Variants in LAMP3 observed in about 807,000 individuals in gnomAD.
LAMP3 encodes lysosome associated membrane protein 3.
A neutral mutation model predicts 34.8 loss-of-function variants in LAMP3; 26 were observed. That is an observed-to-expected ratio of 0.75 (90% CI 0.55 to 1.04). The LOEUF (loss-of-function observed/expected upper bound fraction) is 1.04. LAMP3 is among the 50% of genes least tolerant of loss of function. The probability of loss-of-function intolerance (pLI) is 0.00; values close to 1 mark genes in which losing one functional copy is unlikely to be tolerated. For synonymous variants in LAMP3, 180 were observed against 201.9 expected, an observed-to-expected ratio of 0.89 and a Z score of 0.92; for missense variants, 495 against 524.0, an observed-to-expected ratio of 0.94 and a Z score of 0.54.
At chr3:183,137,155 T>A (rs1405931303) in intron 4 of LAMP3, among the ~76,000 whole-genome samples, 3 of 151,450 alleles carry the variant, frequency 2.0e-5, no homozygotes, top group Non-Finnish European at 4.4e-5. Context: ...CTGCCTCTAC[T>A]AAAAATACAA....
At chr3:183,154,470 T>C (rs913201289) in intron 1 of LAMP3, 79 bp from the exon 2 acceptor site, 1 of 1,123,084 alleles carries the variant, frequency 8.9e-7, no homozygotes, top group Admixed American at 2.4e-5. Context: ...CATCTTAATG[T>C]CTGTTCATAA....
chr3:183,131,156 A>G (rs1719907635), intron 5 of LAMP3, among the ~76,000 whole-genome samples: 1 of 152,264 alleles, frequency 6.6e-6, no homozygotes, highest in African/African-American at 2.4e-5. Context: ...AGCAGTGGCC[A>G]TCATCCAAAA....
chr3:183,130,252 G>A (rs113681624), intron 5 of LAMP3, among the ~76,000 whole-genome samples: 74 of 149,356 alleles, frequency 5.0e-4, no homozygotes, highest in African/African-American at 1.5e-3. Flanking sequence ...TCTGCCTCCC[G>A]GGTTGACGCC....
chr3:183,127,029 T>A (rs1719795627), intron 5 of LAMP3, among the ~76,000 whole-genome samples: 1 of 152,238 alleles, frequency 6.6e-6, no homozygotes, highest in African/African-American at 2.4e-5. Flanking sequence ...TGAAATAAAT[T>A]GGACTTGTGT....
intron 3 of LAMP3, among the ~76,000 whole-genome samples, chr3:183,141,136 C>A (rs1720272392): frequency 1.3e-5 from 2 of 152,164 alleles, no homozygotes; most frequent in Non-Finnish European, 2.9e-5. Flanking sequence ...TGTACATGTT[C>A]TTATGTAGGG....
intron 2 of LAMP3, 30 bp from the exon 3 acceptor site, chr3:183,152,533 G>T (rs1256529730): frequency 6.3e-7 from 1 of 1,582,148 alleles, no homozygotes; most frequent in Non-Finnish European, 8.6e-7. Flanking sequence ...TCAGCTAAAT[G>T]AGATGTAGAG....
intron 3 of LAMP3, among the ~76,000 whole-genome samples, chr3:183,141,038 G>T (rs1476092201): frequency 6.6e-6 from 1 of 152,164 alleles, no homozygotes; most frequent in Non-Finnish European, 1.5e-5. Context: ...CTTCCATCTG[G>T]CTTAGAAGGC....
chr3:183,157,468 G>C (rs1321916543), intron 1 of LAMP3, among the ~76,000 whole-genome samples: 1 of 152,154 alleles, frequency 6.6e-6, no homozygotes, highest in African/African-American at 2.4e-5. Flanking sequence ...CCGCGTTGCT[G>C]GTTCTCTGGT....
chr3:183,142,115 C>T (rs1720301971), intron 3 of LAMP3, among the ~76,000 whole-genome samples: 1 of 152,136 alleles, frequency 6.6e-6, no homozygotes, highest in Admixed American at 6.5e-5. Context: ...AAGAGACCAT[C>T]TTTGTGTTGC....
Position 183,142,891 on chromosome 3 carries a change from C to A in LAMP3, c.889-2296G>T, listed in dbSNP as rs556503277. Among the ~76,000 whole-genome samples the A allele has an allele frequency of 2.6e-5, 4 of 152,272 alleles. No homozygotes were observed. The East Asian group carries it at 7.7e-4, about 29-fold the overall frequency. On this transcript the variant is annotated intron_variant, in intron 3 of 5. Coordinates refer to ENST00000265598, the MANE Select transcript of LAMP3 (RefSeq NM_014398.4). ...CCCTTCCGGATGCACAGGCAGAACA[C>A]CTGTGAACCCGTCCCTGATGGGCAG...
chr3:183,146,943 C>T (rs1053208327), intron 3 of LAMP3, among the ~76,000 whole-genome samples: 1 of 151,888 alleles, frequency 6.6e-6, no homozygotes, highest in Non-Finnish European at 1.5e-5. Context: ...CTCTCCTTAC[C>T]ACCTGATTGA....
At chr3:183,152,567 A>C (rs953287806) in intron 2 of LAMP3, 64 bp from the exon 3 acceptor site, 40 of 1,463,698 alleles carry the variant, frequency 2.7e-5, no homozygotes, top group Non-Finnish European at 3.7e-5. Context: ...AGGGAACCAG[A>C]TGCACAGGCT....
In LAMP3 at chr3:183,135,816, C is replaced by A; in HGVS notation, c.1018G>T (p.Val340Leu). The stretch of plus-strand genomic sequence containing the variant: ...GACAACTGGAGGCTCTGTTCACTCA[C>A]GCACTTGAAGGAATGCCCGACTGCT... ...QTAVGHSFKCVSEQSLQLSAH... is the reference protein window; with the variant it reads ...QTAVGHSFKCLSEQSLQLSAH... The change falls in exon 5 of 6, where the codon GTG becomes TTG. Residue 340 changes from valine to leucine, a missense_variant. By Grantham distance (32) the Val-to-Leu change is conservative. Transcript: ENST00000265598. The A allele has an allele frequency of 6.2e-7, 1 of 1,613,968 alleles. No homozygotes were observed. Among genetic ancestry groups the A allele is most frequent in the Non-Finnish European group, 8.5e-7 (1 of 1,179,800 alleles).
Position 183,135,839 on chromosome 3 carries a change from G to A in LAMP3, c.995C>T (p.Ala332Val). 6.2e-7 allele frequency: 1 copy of A among 1,613,826 alleles called. No homozygotes were observed. Among genetic ancestry groups the A allele is most frequent in the Non-Finnish European group, 8.5e-7 (1 of 1,179,702 alleles). The change falls in exon 5 of 6, where the codon GCA becomes GTA. Residue 332 changes from alanine (A) to valine (V), a missense_variant. By Grantham distance (64) the Ala-to-Val change is moderately conservative (BLOSUM62 0). Coordinates refer to ENST00000265598, the MANE Select transcript of LAMP3 (RefSeq NM_014398.4). ...IKHAVVMFQTAVGHSFKCVSE... is the reference protein window; with the variant it reads ...IKHAVVMFQTVVGHSFKCVSE... ...CACGCACTTGAAGGAATGCCCGACTGCTGTCTGGAACATCACCACCGCATG... is the reference window on the plus strand; with the variant it reads ...CACGCACTTGAAGGAATGCCCGACTACTGTCTGGAACATCACCACCGCATG...
At position 183,146,111 on chromosome 3, in the gene LAMP3, T is replaced by C. The variant is rs150597519; in HGVS notation, c.889-5516A>G. Among the ~76,000 whole-genome samples, 170 of 152,360 alleles carry C rather than the reference T, an allele frequency of 1.1e-3. 1 individual carries two copies. The highest frequency in any genetic ancestry group is 3.8e-3 in the African/African-American group (158 of 41,590). Reference sequence around the variant, plus strand: ...CTAAGGTTCTCTTTTTCTCTAGAGCTGTGGTTTTCAACTGCACATGATTTT... The same window carrying C: ...CTAAGGTTCTCTTTTTCTCTAGAGCCGTGGTTTTCAACTGCACATGATTTT... On this transcript the variant is annotated intron_variant, in intron 3 of 5. Transcript: ENST00000265598.
At chr3:183,158,860 C>T (rs149372027) in intron 1 of LAMP3, among the ~76,000 whole-genome samples, 1 of 150,456 alleles carries the variant, frequency 6.6e-6, no homozygotes, top group Non-Finnish European at 1.5e-5. Context: ...GTAAACCACA[C>T]TTCTCAGTGT....
chr3:183,135,832 C>T lies in LAMP3; in HGVS notation c.1002G>A (p.Gly334=), dbSNP rs369571047. 1 of 1,613,798 alleles carries T rather than the reference C, an allele frequency of 6.2e-7. No homozygotes were observed. Among genetic ancestry groups the T allele is most frequent in the African/African-American group, 1.3e-5 (1 of 75,040 alleles). Residue 334 remains glycine, a synonymous_variant, in exon 5 of 6, where the codon GGG becomes GGA. Transcript: ENST00000265598. ...HAVVMFQTAV[G]HSFKCVSEQS... is the part of the protein sequence containing the mutation. Reference sequence around the variant, plus strand: ...GTTCACTCACGCACTTGAAGGAATGCCCGACTGCTGTCTGGAACATCACCA... The same window carrying T: ...GTTCACTCACGCACTTGAAGGAATGTCCGACTGCTGTCTGGAACATCACCA...
chr3:183,152,388 A>G lies in LAMP3; in HGVS notation c.875T>C (p.Leu292Pro). Reference sequence around the variant, plus strand: ...CTCAGGCCTCACCTTGGTAAATGTGAGATTCACAAATCCGCCCTGAAAATT... The same window carrying G: ...CTCAGGCCTCACCTTGGTAAATGTGGGATTCACAAATCCGCCCTGAAAATT... ...LLNFQGGFVNLTFTKDEESYY... is the reference protein window; with the variant it reads ...LLNFQGGFVNPTFTKDEESYY... The change falls in exon 3 of 6, where the codon CTC becomes CCC. Residue 292 changes from leucine to proline, a missense_variant. Coordinates refer to ENST00000265598, the MANE Select transcript of LAMP3 (RefSeq NM_014398.4). The G allele has an allele frequency of 1.2e-6, 2 of 1,611,086 alleles. No homozygotes were observed. The highest frequency in any genetic ancestry group is 1.7e-6 in the Non-Finnish European group (2 of 1,178,824).
intron 3 of LAMP3, among the ~76,000 whole-genome samples, chr3:183,147,376 G>C (rs1200702928): frequency 3.3e-5 from 5 of 152,160 alleles, no homozygotes; most frequent in African/African-American, 1.2e-4. Flanking sequence ...CCTGCCATTT[G>C]CACCATCTGC....
Sources: allele counts gnomAD v4.1 joint callset (sites outside exome capture counted in the v4.1 genomes callset), GRCh38; gene constraint gnomAD v4.1.1; transcripts MANE v1.5; gene names NCBI Gene and HGNC (gene_info 2026-07-23, HGNC 2026-07-21).